The following AFF3 variants were observed in gnomAD, a reference collection of about 807,000 sequenced individuals.
The protein encoded by AFF3 is AF4/FMR2 family member 3.
Under a neutral mutation model 129.7 loss-of-function variants are expected in AFF3, and 32 were observed. The ratio of observed to expected loss-of-function variants is 0.25; its 90% CI spans 0.19 to 0.33. The LOEUF is 0.33. Ranked by LOEUF, AFF3 falls within the 10% of genes least tolerant of loss-of-function variation. The probability of loss-of-function intolerance (pLI) is 1.00; values close to 1 mark genes in which losing one functional copy is unlikely to be tolerated. For missense variants in AFF3, 1,373 were observed against 1,592.0 expected, an observed-to-expected ratio of 0.86 and a Z score of 2.34; for synonymous variants, 644 against 635.4, an observed-to-expected ratio of 1.01 and a Z score of -0.20.
intron 15 of AFF3, among the ~76,000 whole-genome samples, chr2:99,588,602 A>G (rs1046739414): frequency 3.3e-5 from 5 of 152,178 alleles, no homozygotes; most frequent in African/African-American, 1.2e-4. Flanking sequence ...CCAGGAGACA[A>G]GTGCCAACAC....
At chr2:99,721,574 C>CT in intron 11 of AFF3, among the ~76,000 whole-genome samples, 1 of 151,980 alleles carries the variant, frequency 6.6e-6, no homozygotes, top group South Asian at 2.1e-4. Flanking sequence ...ACAGTTCTTC[C>CT]TTTTTCTCTT....
intron 13 of AFF3, among the ~76,000 whole-genome samples, chr2:99,635,043 TGTAC>T (rs1442524717): frequency 6.6e-6 from 1 of 151,714 alleles, no homozygotes; most frequent in Non-Finnish European, 1.5e-5. Flanking sequence ...TATATCTCTA[TGTAC>T]GTGATATATA....
intron 7 of AFF3, among the ~76,000 whole-genome samples, chr2:99,899,748 C>T (rs548237482): frequency 1.3e-5 from 2 of 152,146 alleles, no homozygotes; most frequent in Admixed American, 1.3e-4. Flanking sequence ...AAAGTCTGAG[C>T]CACATGGCCA....
At chr2:99,662,967 C>A (rs1036975084) in intron 12 of AFF3, among the ~76,000 whole-genome samples, 5 of 152,184 alleles carry the variant, frequency 3.3e-5, no homozygotes, top group Non-Finnish European at 7.3e-5. Context: ...TAAATTTTCA[C>A]AGGCCAAGAG....
chr2:99,845,246 T>C (rs188483858), intron 7 of AFF3, among the ~76,000 whole-genome samples: 1 of 152,368 alleles, frequency 6.6e-6, no homozygotes, highest in East Asian at 1.9e-4. Flanking sequence ...GCAGACAATA[T>C]TGTTAAAGAG....
chr2:100,116,423 T>C (rs1046750348), intron 2 of AFF3, among the ~76,000 whole-genome samples: 1 of 152,174 alleles, frequency 6.6e-6, no homozygotes, highest in Admixed American at 6.5e-5. Context: ...TTCCTTTGTC[T>C]ATTTTTGTGC....
At chr2:99,984,126 T>G (rs1376832532) in intron 7 of AFF3, among the ~76,000 whole-genome samples, 1 of 152,242 alleles carries the variant, frequency 6.6e-6, no homozygotes, top group Non-Finnish European at 1.5e-5. Flanking sequence ...TATTTTTTAA[T>G]TTCACAACAT....
chr2:99,909,903 A>G (rs928963307), intron 7 of AFF3, among the ~76,000 whole-genome samples: 1 of 152,210 alleles, frequency 6.6e-6, no homozygotes, highest in African/African-American at 2.4e-5. Flanking sequence ...ACACAGTGTT[A>G]TGGGCTGAAT....
chr2:99,982,187 T>C (rs776237625), intron 7 of AFF3, among the ~76,000 whole-genome samples: 1 of 152,166 alleles, frequency 6.6e-6, no homozygotes, highest in Non-Finnish European at 1.5e-5. Context: ...AATCTCATGT[T>C]GTAGATTCCA....
chr2:99,784,346 T>C (rs1307957381), intron 8 of AFF3, among the ~76,000 whole-genome samples: 1 of 152,216 alleles, frequency 6.6e-6, no homozygotes, highest in African/African-American at 2.4e-5. Context: ...TGTGTGTATA[T>C]TTCAGTGTAG....
intron 4 of AFF3, among the ~76,000 whole-genome samples, chr2:100,014,124 TTGGAGCACTC>T (rs1682788484): frequency 6.6e-6 from 1 of 151,444 alleles, no homozygotes; most frequent in Admixed American, 6.6e-5. Context: ...TGCAGTTTGC[TTGGAGCACTC>T]GCTCCAAGCA....
chr2:99,695,938 G>GAAAAAA (rs10719354), intron 11 of AFF3, among the ~76,000 whole-genome samples: 152 of 57,664 alleles, frequency 2.6e-3, no homozygotes, highest in South Asian at 3.7e-3. Flanking sequence ...CTGGAAAAAT[G>GAAAAAA]AAAAAAAAAA....
chr2:99,852,694 G>A (rs563274997), intron 7 of AFF3, among the ~76,000 whole-genome samples: 7 of 152,296 alleles, frequency 4.6e-5, no homozygotes, highest in African/African-American at 1.4e-4. Context: ...ATTTTAGATA[G>A]TGACAAGTAC....
intron 7 of AFF3, among the ~76,000 whole-genome samples, chr2:99,965,803 G>A (rs1036426053): frequency 1.1e-4 from 17 of 152,146 alleles, no homozygotes; most frequent in African/African-American, 3.9e-4. Context: ...GAAGTGGGGC[G>A]AGCTCTCAAG....
At chr2:99,623,471 T>C (rs1682245613) in intron 13 of AFF3, among the ~76,000 whole-genome samples, 1 of 152,156 alleles carries the variant, frequency 6.6e-6, no homozygotes, top group African/African-American at 2.4e-5. Context: ...GCCCTGCAAT[T>C]TAGCATGTGC....
intron 4 of AFF3, among the ~76,000 whole-genome samples, chr2:100,072,117 T>C (rs1688235207): frequency 6.6e-6 from 1 of 152,090 alleles, no homozygotes. Context: ...GACTGTCCTC[T>C]AAATCAGGGG....
intron 4 of AFF3, among the ~76,000 whole-genome samples, chr2:100,048,223 G>C (rs17352801): frequency 2.0e-5 from 3 of 152,102 alleles, no homozygotes; most frequent in African/African-American, 7.2e-5. Flanking sequence ...ATTTACCATT[G>C]TACTGCACTT....
intron 4 of AFF3, among the ~76,000 whole-genome samples, chr2:100,064,880 T>C (rs1355099044): frequency 1.3e-5 from 2 of 152,180 alleles, no homozygotes; most frequent in African/African-American, 4.8e-5. Context: ...ACTCTCCATA[T>C]ACATCAGCTA....
chr2:100,016,593 GTGGTGGTGGTAGTGGTGGTAATGGTGA>G (rs1209543273), intron 4 of AFF3, among the ~76,000 whole-genome samples: 2 of 147,146 alleles, frequency 1.4e-5, no homozygotes, highest in Non-Finnish European at 3.0e-5. Context: ...AGTAGTGATG[GTGGTGGTGGTAGTGGTGGTAATGGTGA>G]TGGTGGTGGT....
Sources: allele counts gnomAD v4.1 joint callset (sites outside exome capture counted in the v4.1 genomes callset), GRCh38; gene constraint gnomAD v4.1.1; transcripts MANE v1.5; gene names NCBI Gene and HGNC (gene_info 2026-07-23, HGNC 2026-07-21).